FOXP1: variants seen among roughly 807,000 people sequenced by gnomAD.
FOXP1 encodes forkhead box protein P1.
Under a neutral mutation model 98.2 loss-of-function variants are expected in FOXP1, and 15 were observed. The observed-to-expected ratio is 0.15, with a 90% CI of 0.10 to 0.24. The LOEUF (loss-of-function observed/expected upper bound fraction) is 0.24, where lower values mean the gene tolerates loss of function less well. Among genes scored for constraint, FOXP1 ranks in the 10% least tolerant of loss-of-function variants. The pLI, the probability that FOXP1 is intolerant of heterozygous loss-of-function variation, is 1.00. For missense variants in FOXP1, 633 were observed against 848.5 expected (o/e 0.75, Z 3.15); for synonymous variants, 371 against 314.5 (o/e 1.18, Z -1.90).
chr3:71,280,860 TATG>T (rs145496770), intron 5 of FOXP1, among the ~76,000 whole-genome samples: 103 of 152,132 alleles, frequency 6.8e-4, no homozygotes, highest in African/African-American at 2.5e-3. Context: ...GTTTGTTTGT[TATG>T]ATAAGAGTTA....
intron 4 of FOXP1, among the ~76,000 whole-genome samples, chr3:71,306,919 C>T (rs899335406): frequency 3.3e-5 from 5 of 152,156 alleles, no homozygotes; most frequent in African/African-American, 4.8e-5. Flanking sequence ...TTTGTCCTTA[C>T]AACCCAGGAA....
chr3:71,201,772 G>GA (rs2063691594), intron 5 of FOXP1, among the ~76,000 whole-genome samples: 1 of 151,944 alleles, frequency 6.6e-6, no homozygotes, highest in East Asian at 1.9e-4. Context: ...TATATATAAA[G>GA]AAAAAATCTA....
At chr3:71,486,265 C>G (rs562224930) in intron 3 of FOXP1, among the ~76,000 whole-genome samples, 6 of 152,104 alleles carry the variant, frequency 3.9e-5, no homozygotes, top group African/African-American at 1.4e-4. Flanking sequence ...CAAGGTGATA[C>G]TTGAACCAAC....
intron 1 of FOXP1, among the ~76,000 whole-genome samples, chr3:71,583,334 C>T (rs1479630789): frequency 6.6e-6 from 1 of 151,944 alleles, no homozygotes; most frequent in African/African-American, 2.4e-5. Flanking sequence ...CAGCCCCCAC[C>T]CATCCCAGAG....
intron 10 of FOXP1, among the ~76,000 whole-genome samples, chr3:71,046,560 T>C (rs1306701310): frequency 6.6e-6 from 1 of 152,206 alleles, no homozygotes; most frequent in Non-Finnish European, 1.5e-5. Context: ...AAATAGCACA[T>C]GTTACATGGT....
chr3:71,135,744 T>C (rs1056764514), intron 6 of FOXP1, among the ~76,000 whole-genome samples: 2 of 152,112 alleles, frequency 1.3e-5, no homozygotes, highest in Admixed American at 6.6e-5. Flanking sequence ...TGAACCAGCT[T>C]AAGGCCAAGG....
Position 71,064,861 on chromosome 3 carries a change from G to C in FOXP1, c.283-11088C>G, listed in dbSNP as rs906737656. 25 of 978,300 alleles carry C rather than the reference G, an allele frequency of 2.6e-5. No individual in the cohort carries two copies. The African/African-American group carries it at 4.1e-4, about 16-fold the overall frequency. The allele number at this position is 978,300 out of a possible 1,614,324, so 60.6% of individuals were successfully genotyped here. A position where few individuals can be genotyped will look rare whatever the true frequency, so the allele number is the denominator to read the frequency against. On this transcript the variant is annotated intron_variant, in intron 7 of 20. Coordinates refer to ENST00000649528, the MANE Select transcript of FOXP1 (RefSeq NM_001349338.3). The stretch of plus-strand genomic sequence containing the variant: ...ATGTAGCCGCCAGGCGCGCGGAGCC[G>C]GGCTCGGGGCGCCCGCGCGGGCCGG...
At chr3:71,323,943 G>A (rs2107681254) in intron 4 of FOXP1, among the ~76,000 whole-genome samples, 2 of 152,008 alleles carry the variant, frequency 1.3e-5, no homozygotes, top group South Asian at 4.2e-4. Context: ...GGACTTGCTG[G>A]GCTTCAATTT....
intron 3 of FOXP1, among the ~76,000 whole-genome samples, chr3:71,368,213 C>G (rs1260869137): frequency 6.7e-6 from 1 of 150,002 alleles, no homozygotes; most frequent in Non-Finnish European, 1.5e-5. Flanking sequence ...CAAACTCTGC[C>G]TCTCAGGTTC....
intron 5 of FOXP1, among the ~76,000 whole-genome samples, chr3:71,276,510 T>A (rs749653663): frequency 6.6e-6 from 1 of 152,186 alleles, no homozygotes; most frequent in Non-Finnish European, 1.5e-5. Flanking sequence ...ACATCAGAAA[T>A]CTAGGTGGCA....
intron 7 of FOXP1, among the ~76,000 whole-genome samples, chr3:71,102,838 T>G (rs2057086500): frequency 6.6e-6 from 1 of 152,132 alleles, no homozygotes; most frequent in Non-Finnish European, 1.5e-5. Context: ...CATAGACTCT[T>G]GAGCCAGATT....
chr3:71,264,681 T>C (rs2069472125), intron 5 of FOXP1, among the ~76,000 whole-genome samples: 1 of 152,042 alleles, frequency 6.6e-6, no homozygotes, highest in Admixed American at 6.6e-5. Flanking sequence ...CTACTCTGAG[T>C]TTCCAAACAC....
At chr3:71,374,104 G>GT (rs1402340817) in intron 3 of FOXP1, among the ~76,000 whole-genome samples, 1 of 152,102 alleles carries the variant, frequency 6.6e-6, no homozygotes, top group Non-Finnish European at 1.5e-5. Context: ...GACGGTGTAC[G>GT]TTTTTTGAAA....
chr3:71,358,523 C>G (rs953520944), intron 4 of FOXP1, among the ~76,000 whole-genome samples: 1 of 152,200 alleles, frequency 6.6e-6, no homozygotes, highest in African/African-American at 2.4e-5. Flanking sequence ...AGTGCTTTCA[C>G]ATGCATTATA....
intron 2 of FOXP1, among the ~76,000 whole-genome samples, chr3:71,514,379 T>G (rs1305238895): frequency 1.3e-5 from 2 of 152,146 alleles, no homozygotes; most frequent in East Asian, 1.9e-4. Context: ...CCAACCTCAT[T>G]CCCTGGTTTT....
At chr3:71,262,961 TAGCCCTTTGAAAGCA>T in intron 5 of FOXP1, among the ~76,000 whole-genome samples, 1 of 152,320 alleles carries the variant, frequency 6.6e-6, no homozygotes, top group African/African-American at 2.4e-5. Context: ...GCAAAACGGC[TAGCCCTTTGAAAGCA>T]AAAGTAAAAC....
intron 18 of FOXP1, chr3:70,971,828 T>A (rs1210908325): frequency 2.3e-6 from 1 of 428,472 alleles, no homozygotes; most frequent in African/African-American, 2.0e-5. Flanking sequence ...AAAAGCATTA[T>A]TCAAGGCACT....
At position 71,262,257 on chromosome 3, in the gene FOXP1, T is replaced by C. The variant is rs1262327406; in HGVS notation, c.-12+37563A>G. On this transcript the variant is annotated intron_variant, in intron 5 of 20. Coordinates refer to ENST00000649528, the MANE Select transcript of FOXP1 (RefSeq NM_001349338.3). ...CTCCAGCCTGGCAACAGGACAAGACTCTGTCACAAAAAAAAAAAAAAAAAA... is the reference window on the plus strand; with the variant it reads ...CTCCAGCCTGGCAACAGGACAAGACCCTGTCACAAAAAAAAAAAAAAAAAA... 2.3e-4 allele frequency among the ~76,000 whole-genome samples: 16 copies of C among 69,548 alleles called. No individual in the cohort carries two copies. In the Admixed American group the frequency reaches 3.8e-3, roughly 16 times the overall value. 45.6% of individuals were successfully genotyped at this position (69,548 alleles called of 152,430 possible).
intron 4 of FOXP1, among the ~76,000 whole-genome samples, chr3:71,301,527 T>C (rs2073845607): frequency 1.3e-5 from 2 of 152,184 alleles, no homozygotes; most frequent in African/African-American, 4.8e-5. Context: ...AAGAACGCCT[T>C]TTCCTCTCTC....
Sources: allele counts gnomAD v4.1 joint callset (sites outside exome capture counted in the v4.1 genomes callset), GRCh38; gene constraint gnomAD v4.1.1; transcripts MANE v1.5; gene names NCBI Gene and HGNC (gene_info 2026-07-23, HGNC 2026-07-21).